Variants in GAS2 observed in about 807,000 individuals in gnomAD.
The protein encoded by GAS2 is growth arrest specific 2, also known as growth arrest-specific protein 2.
GAS2 carries 20 observed loss-of-function variants against 37.5 expected under a neutral mutation model. The observed-to-expected ratio is 0.53, with a 90% CI of 0.37 to 0.77. GAS2 has a LOEUF of 0.77. GAS2 is among the 30% of genes least tolerant of loss of function. GAS2 has a pLI of 0.00. For synonymous variants in GAS2, 144 were observed against 132.2 expected (o/e 1.09, Z -0.61); for missense variants, 336 against 373.4 (o/e 0.90, Z 0.82).
intron 7 of GAS2, among the ~76,000 whole-genome samples, chr11:22,794,819 T>A (rs1025266745): frequency 1.3e-5 from 2 of 152,124 alleles, no homozygotes; most frequent in African/African-American, 4.8e-5. Flanking sequence ...TCCGTTTGAT[T>A]TCTGGCCCCC....
intron 4 of GAS2, among the ~76,000 whole-genome samples, chr11:22,728,514 A>G (rs933365465): frequency 5.3e-5 from 8 of 151,434 alleles, no homozygotes; most frequent in Non-Finnish European, 1.2e-4. Context: ...CTGACATTAT[A>G]AAAAGCCCAT....
chr11:22,800,460 C>T (rs990120995), intron 7 of GAS2, among the ~76,000 whole-genome samples: 3 of 152,010 alleles, frequency 2.0e-5, no homozygotes, highest in Non-Finnish European at 4.4e-5. Flanking sequence ...AAGGCGGTAG[C>T]ATGTTCAGAT....
chr11:22,729,777 G>GA (rs1852388097), intron 4 of GAS2, among the ~76,000 whole-genome samples: 2 of 146,220 alleles, frequency 1.4e-5, no homozygotes, highest in South Asian at 2.2e-4. Flanking sequence ...TTTTAGCTAT[G>GA]AAAAAATAGC....
At chr11:22,641,286 ATCTT>A (rs1226772270) in intron 1 of GAS2, among the ~76,000 whole-genome samples, 3 of 122,096 alleles carry the variant, frequency 2.5e-5, no homozygotes, top group Non-Finnish European at 3.3e-5. Flanking sequence ...ATATATCTAT[ATCTT>A]TATATATATA....
intron 7 of GAS2, among the ~76,000 whole-genome samples, chr11:22,809,478 TTTA>T (rs1029008222): frequency 4.0e-5 from 6 of 151,802 alleles, no homozygotes; most frequent in South Asian, 4.2e-4. Context: ...TCCATATTTA[TTTA>T]TTATTATTAT....
rs776608819 is a variant in GAS2 at position 22,755,925 on chromosome 11, G to A, written c.695G>A (p.Arg232Gln). ...GAGCGGCTCTCCCAAGGAAGATACC[G>A]AGTGGGAGAAAAGATCCTCTTCATT... is the stretch of plus-strand genomic sequence containing the variant. ...CVERLSQGRY[R>Q]VGEKILFIRM... The change falls in exon 7 of 8, where the codon CGA becomes CAA. Residue 232 changes from arginine (R) to glutamine (Q), a missense_variant. Arg to Gln is a conservative substitution (Grantham distance 43). Coordinates refer to ENST00000454584, the MANE Select transcript of GAS2 (RefSeq NM_001143830.3). 1.5e-5 allele frequency: 24 copies of A among 1,611,730 alleles called. No individual in the cohort carries two copies. Among genetic ancestry groups the A allele is most frequent in the South Asian group, 1.4e-4 (13 of 90,930 alleles).
intron 3 of GAS2, among the ~76,000 whole-genome samples, chr11:22,698,007 A>G (rs1850622817): frequency 6.6e-6 from 1 of 152,178 alleles, no homozygotes; most frequent in African/African-American, 2.4e-5. Context: ...GAGAGAGGGC[A>G]TCCCTGTCTT....
At chr11:22,734,802 C>T (rs1463332884) in intron 4 of GAS2, among the ~76,000 whole-genome samples, 3 of 151,708 alleles carry the variant, frequency 2.0e-5, no homozygotes, top group African/African-American at 7.2e-5. Context: ...CTCATACTCA[C>T]ACCCAGATCT....
chr11:22,632,245 C>T (rs1247376561), intron 1 of GAS2, among the ~76,000 whole-genome samples: 2 of 152,016 alleles, frequency 1.3e-5, no homozygotes, highest in African/African-American at 4.8e-5. Context: ...AATAGTCAAA[C>T]AGTGACATAT....
At chr11:22,766,328 G>C (rs1228707155) in intron 7 of GAS2, among the ~76,000 whole-genome samples, 2 of 151,564 alleles carry the variant, frequency 1.3e-5, no homozygotes, top group African/African-American at 4.9e-5. Flanking sequence ...AAGTGTTAGA[G>C]AGCAAATTGC....
chr11:22,696,999 T>G (rs974739528), intron 3 of GAS2, among the ~76,000 whole-genome samples: 7 of 151,346 alleles, frequency 4.6e-5, no homozygotes, highest in Admixed American at 4.6e-4. Flanking sequence ...TTTGGTGTTT[T>G]AGACATGAAG....
chr11:22,747,707 G>T (rs1444847514), intron 5 of GAS2, among the ~76,000 whole-genome samples: 1 of 152,102 alleles, frequency 6.6e-6, no homozygotes, highest in Non-Finnish European at 1.5e-5. Flanking sequence ...AAAGTGGGGG[G>T]TCCATGTGGA....
At chr11:22,714,806 T>G (rs976662337) in intron 3 of GAS2, among the ~76,000 whole-genome samples, 2 of 152,150 alleles carry the variant, frequency 1.3e-5, no homozygotes, top group African/African-American at 4.8e-5. Context: ...TTAAATTCTT[T>G]GAACTGAATG....
chr11:22,702,916 A>G (rs567713088), intron 3 of GAS2, among the ~76,000 whole-genome samples: 50 of 152,316 alleles, frequency 3.3e-4, no homozygotes, highest in African/African-American at 1.2e-3. Flanking sequence ...GAATCTGCTT[A>G]TAAAGAGCCC....
chr11:22,776,522 T>C (rs1018139491), intron 7 of GAS2, among the ~76,000 whole-genome samples: 4 of 152,184 alleles, frequency 2.6e-5, no homozygotes, highest in Non-Finnish European at 1.5e-5. Flanking sequence ...GCAAGAGTTT[T>C]TTGTGATTGA....
chr11:22,727,894 CAATT>C (rs922428191), intron 4 of GAS2, among the ~76,000 whole-genome samples: 6 of 151,956 alleles, frequency 3.9e-5, no homozygotes, highest in Non-Finnish European at 7.4e-5. Flanking sequence ...TTTGCACAAA[CAATT>C]AAATAAAATT....
intron 6 of GAS2, among the ~76,000 whole-genome samples, chr11:22,754,154 G>A (rs1013829723): frequency 6.6e-6 from 1 of 151,942 alleles, no homozygotes; most frequent in Non-Finnish European, 1.5e-5. Context: ...TTTGATGAAA[G>A]CTATTTTTAA....
At chr11:22,785,460 T>G (rs1265850942) in intron 7 of GAS2, among the ~76,000 whole-genome samples, 2 of 152,178 alleles carry the variant, frequency 1.3e-5, no homozygotes, top group Non-Finnish European at 2.9e-5. Context: ...CAGATGGTAC[T>G]GAATCACTGG....
intron 4 of GAS2, among the ~76,000 whole-genome samples, chr11:22,736,818 AT>A (rs1273421708): frequency 6.7e-6 from 1 of 148,804 alleles, no homozygotes; most frequent in Non-Finnish European, 1.5e-5. Flanking sequence ...CTCAGTGCAA[AT>A]TTTTTCCAAT....
Sources: allele counts gnomAD v4.1 joint callset (sites outside exome capture counted in the v4.1 genomes callset), GRCh38; gene constraint gnomAD v4.1.1; transcripts MANE v1.5; gene names NCBI Gene and HGNC (gene_info 2026-07-23, HGNC 2026-07-21).